The following GBE1 variants were observed in gnomAD, a reference collection of about 807,000 sequenced individuals.
The protein encoded by GBE1 is 1,4-alpha-glucan-branching enzyme.
A neutral mutation model predicts 88.8 loss-of-function variants in GBE1; 70 were observed. That is an observed-to-expected ratio of 0.79 (90% confidence interval 0.65 to 0.96). The LOEUF is 0.96. GBE1 is among the 40% of genes least tolerant of loss of function. GBE1 has a pLI of 0.00. For missense variants in GBE1, 872 were observed against 871.0 expected, an observed-to-expected ratio of 1.00 and a Z score of -0.01; for synonymous variants, 284 against 300.1, an observed-to-expected ratio of 0.95 and a Z score of 0.56.
chr3:81,662,278 C>T (rs552117584), intron 3 of GBE1, among the ~76,000 whole-genome samples: 1 of 152,214 alleles, frequency 6.6e-6, no homozygotes, highest in East Asian at 1.9e-4. Context: ...GTGATCCACC[C>T]GCCTCGGCTT....
rs775630334 is a variant in GBE1, at chr3:81,705,542, C to T, written c.215G>A (p.Gly72Asp). The T allele has an allele frequency of 6.3e-7, 1 of 1,596,694 alleles. No homozygotes were observed. The change falls in exon 2 of 16, where the codon GGC (glycine) becomes GAC (aspartate). Residue 72 changes from glycine (G) to aspartate (D), a missense_variant. Gly to Asp is a moderately conservative substitution (Grantham distance 94). Transcript: ENST00000429644. ...TCTGTGGACGCCAAATGATTCATAG[C>T]CTCTGGAAAACTTATCAATACCACC... ...NEGGIDKFSR[G>D]YESFGVHRCA...
At chr3:81,664,393 C>A (rs1705079605) in intron 3 of GBE1, among the ~76,000 whole-genome samples, 1 of 140,164 alleles carries the variant, frequency 7.1e-6, no homozygotes, top group African/African-American at 2.7e-5. Flanking sequence ...AAGGAAATGA[C>A]AGAGCCTGGA....
chr3:81,701,986 A>T (rs929264696), intron 2 of GBE1, among the ~76,000 whole-genome samples: 1 of 151,238 alleles, frequency 6.6e-6, no homozygotes, highest in Non-Finnish European at 1.5e-5. Context: ...GTAGGCACAA[A>T]AAAAAAAAAG....
At chr3:81,535,975 C>T (rs1042882773) in intron 13 of GBE1, among the ~76,000 whole-genome samples, 4 of 151,864 alleles carry the variant, frequency 2.6e-5, no homozygotes, top group Non-Finnish European at 5.9e-5. Flanking sequence ...TCACTCAGCC[C>T]CAGCTTTGAG....
chr3:81,534,869 C>G (rs1258477928), intron 14 of GBE1: 1 of 206,388 alleles, frequency 4.8e-6, no homozygotes, highest in Non-Finnish European at 9.5e-6. Context: ...TTATTGTCTT[C>G]TGTATTGGTG....
rs191858754 is a variant in GBE1 at position 81,739,645 on chromosome 3, T to C, written c.143+21730A>G. Among the ~76,000 whole-genome samples, 17 of 152,286 alleles carry C rather than the reference T, an allele frequency of 1.1e-4. No homozygotes were observed. The East Asian group carries it at 3.1e-3, about 28-fold the overall frequency. On this transcript the variant is annotated intron_variant, in intron 1 of 15. Coordinates refer to ENST00000429644, the MANE Select transcript of GBE1 (RefSeq NM_000158.4). ...AAATATCTTACCCTGTTCATCAGCT[T>C]AGGTAACACAATAATGTGGTCACGG... is the stretch of plus-strand genomic sequence containing the variant.
At position 81,755,247 on chromosome 3, in the gene GBE1, C is replaced by T. The variant is rs185488546; in HGVS notation, c.143+6128G>A. Among the ~76,000 whole-genome samples, 202 of 152,150 alleles carry T rather than the reference C, an allele frequency of 1.3e-3. 2 individuals carry two copies. Among genetic ancestry groups the T allele is most frequent in the Non-Finnish European group, 9.9e-4 (67 of 67,980 alleles). On this transcript the variant is annotated intron_variant, in intron 1 of 15. Coordinates refer to ENST00000429644, the MANE Select transcript of GBE1 (RefSeq NM_000158.4). ...AATATCACTAATCATCACAGAAATG[C>T]AAATCAAAACCACAATGCAATATCA...
intron 1 of GBE1, among the ~76,000 whole-genome samples, chr3:81,746,008 A>C (rs1706415597): frequency 6.6e-6 from 1 of 152,220 alleles, no homozygotes; most frequent in Non-Finnish European, 1.5e-5. Flanking sequence ...AAAGAAACTA[A>C]TTTTGTAAAA....
intron 2 of GBE1, among the ~76,000 whole-genome samples, chr3:81,685,006 T>C (rs545622132): frequency 3.7e-4 from 57 of 152,324 alleles, no homozygotes; most frequent in Admixed American, 6.5e-4. Flanking sequence ...TGCCTAGCAT[T>C]AACCTTGGTG....
intron 15 of GBE1, 62 bp from the exon 16 acceptor site, chr3:81,490,525 C>A: frequency 7.7e-7 from 1 of 1,300,808 alleles, no homozygotes; most frequent in Non-Finnish European, 1.1e-6. Flanking sequence ...GTCATTATGT[C>A]AAAGAAACAT....
At chr3:81,545,789 T>G (rs1207563403) in intron 12 of GBE1, among the ~76,000 whole-genome samples, 1 of 152,156 alleles carries the variant, frequency 6.6e-6, no homozygotes. Flanking sequence ...TGCCCTTCAG[T>G]GTAGCATGAT....
chr3:81,568,275 G>A (rs1051923377), intron 12 of GBE1, among the ~76,000 whole-genome samples: 1 of 151,982 alleles, frequency 6.6e-6, no homozygotes, highest in African/African-American at 2.4e-5. Flanking sequence ...AGCCTCCCAA[G>A]TAGCTGAGAC....
intron 3 of GBE1, 44 bp from the exon 4 acceptor site, chr3:81,649,965 A>G (rs758115251): frequency 1.9e-5 from 29 of 1,500,866 alleles, no homozygotes; most frequent in Non-Finnish European, 2.7e-5. Context: ...TACATCCAGA[A>G]CTCTGATAAT....
intron 1 of GBE1, among the ~76,000 whole-genome samples, chr3:81,742,161 C>T (rs1706358214): frequency 6.6e-6 from 1 of 151,996 alleles, no homozygotes; most frequent in Admixed American, 6.6e-5. Flanking sequence ...GCTATCTCCT[C>T]TCAAGCCAAA....
At chr3:81,741,251 T>A (rs924882220) in intron 1 of GBE1, among the ~76,000 whole-genome samples, 5 of 152,154 alleles carry the variant, frequency 3.3e-5, no homozygotes, top group Non-Finnish European at 5.9e-5. Flanking sequence ...TGGTTGTTAA[T>A]AATGTATAAT....
intron 14 of GBE1, among the ~76,000 whole-genome samples, chr3:81,531,789 T>C (rs1024726021): frequency 1.3e-5 from 2 of 152,076 alleles, no homozygotes; most frequent in African/African-American, 4.8e-5. Context: ...CACCAGGACT[T>C]GCTTAGGAAC....
intron 1 of GBE1, among the ~76,000 whole-genome samples, chr3:81,758,978 C>T (rs1317389644): frequency 2.6e-5 from 4 of 152,198 alleles, no homozygotes; most frequent in Non-Finnish European, 5.9e-5. Flanking sequence ...GTAAGTCTCA[C>T]GAGACCTGAT....
At chr3:81,714,823 T>C (rs1225667167) in intron 1 of GBE1, among the ~76,000 whole-genome samples, 1 of 152,166 alleles carries the variant, frequency 6.6e-6, no homozygotes, top group African/African-American at 2.4e-5. Context: ...AGGGCACTCT[T>C]CCTTGTTTTC....
At position 81,649,789 on chromosome 3, in the gene GBE1, T is replaced by C. The variant is rs766695292; in HGVS notation, c.555+7A>G. 3 of 1,589,290 alleles carry C rather than the reference T, an allele frequency of 1.9e-6. No individual in the cohort carries two copies. In the African/African-American group the frequency reaches 4.1e-5, roughly 22 times the overall value. ...CAATAATTTATTTAAAGATTTGTTG[T>C]TCTCACCTCATATGAGTGTTCTGGA... On this transcript the variant is annotated splice_region_variant and intron_variant, in intron 4 of 15. Coordinates refer to ENST00000429644, the MANE Select transcript of GBE1 (RefSeq NM_000158.4).
Sources: allele counts gnomAD v4.1 joint callset (sites outside exome capture counted in the v4.1 genomes callset), GRCh38; gene constraint gnomAD v4.1.1; transcripts MANE v1.5; gene names NCBI Gene and HGNC (gene_info 2026-07-23, HGNC 2026-07-21).